Variants in CFAP100 observed in about 807,000 individuals in gnomAD.
CFAP100 encodes cilia and flagella associated protein 100.
A neutral mutation model predicts 81.5 loss-of-function variants in CFAP100; 70 were observed. The observed-to-expected ratio is 0.86, with a 90% CI of 0.71 to 1.05. The LOEUF is 1.05. Ranked by LOEUF, CFAP100 falls within the 50% of genes least tolerant of loss-of-function variation. The pLI, the probability that CFAP100 is intolerant of heterozygous loss-of-function variation, is 0.00. For synonymous variants in CFAP100, 341 were observed against 314.8 expected, an observed-to-expected ratio of 1.08 and a Z score of -0.88; for missense variants, 811 against 776.5, an observed-to-expected ratio of 1.04 and a Z score of -0.53.
intron 2 of CFAP100, among the ~76,000 whole-genome samples, chr3:126,406,499 G>A (rs1000876329): frequency 6.6e-6 from 1 of 152,210 alleles, no homozygotes; most frequent in African/African-American, 2.4e-5. Flanking sequence ...GGTGGGAGTG[G>A]AGGAAGTGTC....
At chr3:126,433,335 C>T in intron 14 of CFAP100, 131 bp downstream of exon 14, 1 of 1,111,304 alleles carries the variant, frequency 9.0e-7, no homozygotes, top group Non-Finnish European at 1.3e-6. Context: ...GCTGCCCTTG[C>T]CCTGCCTCCC....
At chr3:126,425,646 C>A (rs2083394159) in intron 13 of CFAP100, among the ~76,000 whole-genome samples, 2 of 152,184 alleles carry the variant, frequency 1.3e-5, no homozygotes, top group African/African-American at 4.8e-5. Flanking sequence ...ATATCCTCAA[C>A]ATAGATGCAA....
At chr3:126,414,340 C>T (rs1560069364) in intron 4 of CFAP100, 161 bp downstream of exon 4, 1 of 722,400 alleles carries the variant, frequency 1.4e-6, no homozygotes, top group South Asian at 1.4e-5. Flanking sequence ...AGCTGGAAAC[C>T]TTACCTGGCT....
chr3:126,394,990 C>T lies in CFAP100; in HGVS notation c.-60+12C>T, dbSNP rs2082863368. ...GGCAGTCGGGGTCGGTGGGTGCGCT[C>T]GCGGTCCGGGGAGAGGGGGCGCGCG... On this transcript the variant is annotated intron_variant, in intron 1 of 16. Coordinates refer to ENST00000352312, the MANE Select transcript of CFAP100 (RefSeq NM_182628.3). 1.3e-5 allele frequency: 2 copies of T among 152,444 alleles called. No individual in the cohort carries two copies. The highest frequency in any genetic ancestry group is 1.3e-4 in the Admixed American group (2 of 15,276). The allele number at this position is 152,444 out of a possible 1,614,324, so 9.4% of individuals were successfully genotyped here.
At chr3:126,432,220 A>T (rs1933258411) in intron 13 of CFAP100, among the ~76,000 whole-genome samples, 1 of 140,846 alleles carries the variant, frequency 7.1e-6, no homozygotes, top group Admixed American at 7.8e-5. Flanking sequence ...CGGAGCTTGC[A>T]GTGAGCCGAG....
intron 11 of CFAP100, chr3:126,420,845 A>G (rs369607805): frequency 1.3e-5 from 1 of 79,906 alleles, no homozygotes; most frequent in Non-Finnish European, 2.4e-5. Context: ...CATTTCATAC[A>G]TATCATTTTT....
rs1167341969 is a variant in CFAP100, at chr3:126,407,033, T to C, written c.50-139T>C. 5.3e-6 allele frequency: 3 copies of C among 562,656 alleles called. No individual in the cohort carries two copies. In the East Asian group the frequency reaches 8.4e-5, roughly 16 times the overall value. 34.9% of individuals were successfully genotyped at this position (562,656 alleles called of 1,614,324 possible). A position where few individuals can be genotyped will look rare whatever the true frequency, so the allele number is the denominator to read the frequency against. On this transcript the variant is annotated intron_variant, in intron 2 of 16. Transcript: ENST00000352312. ...CAAAGTCAGTGTGATCTCTGGGATGTAGAGCCCTCAGTCTCACAGGGGAGG... is the reference window on the plus strand; with the variant it reads ...CAAAGTCAGTGTGATCTCTGGGATGCAGAGCCCTCAGTCTCACAGGGGAGG...
At chr3:126,424,089 C>CT (rs1212477998) in intron 13 of CFAP100, among the ~76,000 whole-genome samples, 2 of 152,254 alleles carry the variant, frequency 1.3e-5, no homozygotes, top group African/African-American at 4.8e-5. Flanking sequence ...TCGTAGACCA[C>CT]TGAGCGGGTG....
At chr3:126,410,504 CTTTTT>C (rs934540064) in intron 3 of CFAP100, among the ~76,000 whole-genome samples, 1 of 149,424 alleles carries the variant, frequency 6.7e-6, no homozygotes, top group Non-Finnish European at 1.5e-5. Context: ...TTCTGCCTTT[CTTTTT>C]TTTTTCTTTT....
intron 2 of CFAP100, among the ~76,000 whole-genome samples, chr3:126,406,188 C>G (rs1043185479): frequency 7.9e-5 from 12 of 152,154 alleles, no homozygotes; most frequent in Admixed American, 2.0e-4. Context: ...TGTGTGGCCC[C>G]GAAGGCCTCT....
Position 126,436,427 on chromosome 3 carries a change from T to C in CFAP100, c.*23T>C. ...TAATCTTCGCAGACCATAGCTGTTC[T>C]GGCTGAAGGCTTAGCAAAGATGTTG... On this transcript the variant is annotated 3_prime_UTR_variant, in exon 17 of 17. Transcript: ENST00000352312. 2 of 1,581,414 alleles carry C rather than the reference T, an allele frequency of 1.3e-6. No individual in the cohort carries two copies. Among genetic ancestry groups the C allele is most frequent in the Non-Finnish European group, 1.7e-6 (2 of 1,153,730 alleles).
intron 16 of CFAP100, 50 bp from the exon 17 acceptor site, chr3:126,436,241 G>C (rs1198787369): frequency 3.5e-6 from 5 of 1,442,374 alleles, no homozygotes; most frequent in Middle Eastern, 2.1e-4. Context: ...GGGTATATGG[G>C]CATACGGCTC....
At chr3:126,400,365 CA>C (rs2107582954) in intron 2 of CFAP100, among the ~76,000 whole-genome samples, 1 of 152,162 alleles carries the variant, frequency 6.6e-6, no homozygotes, top group Non-Finnish European at 1.5e-5. Context: ...TCAAAAAATA[CA>C]AACAAAAATA....
At chr3:126,423,120 A>G (rs2083358253) in intron 11 of CFAP100, among the ~76,000 whole-genome samples, 1 of 152,176 alleles carries the variant, frequency 6.6e-6, no homozygotes, top group South Asian at 2.1e-4. Context: ...CCTTGGGAAA[A>G]TGAGTGGATT....
At chr3:126,419,045 C>CCAACCA in intron 7 of CFAP100, 31 bp from the exon 8 acceptor site, 5 of 858,118 alleles carry the variant, frequency 5.8e-6, no homozygotes, top group Non-Finnish European at 9.3e-6. Flanking sequence ...CCCTTGCCCC[C>CCAACCA]ATCCCTCCTC....
intron 11 of CFAP100, 47 bp downstream of exon 11, chr3:126,420,276 C>T: frequency 6.2e-7 from 1 of 1,604,614 alleles, no homozygotes; most frequent in Non-Finnish European, 8.5e-7. Flanking sequence ...TAGCGGCGAG[C>T]CCTCCCTTGT....
At chr3:126,412,604 C>T (rs1438964297) in intron 3 of CFAP100, among the ~76,000 whole-genome samples, 1 of 152,182 alleles carries the variant, frequency 6.6e-6, no homozygotes. Flanking sequence ...GAAGGTATTA[C>T]ATTGATCGGC....
At chr3:126,430,769 T>A (rs1436525508) in intron 13 of CFAP100, among the ~76,000 whole-genome samples, 1 of 152,076 alleles carries the variant, frequency 6.6e-6, no homozygotes, top group African/African-American at 2.4e-5. Context: ...TTTCTGGGTT[T>A]TTTTTTATGG....
chr3:126,406,470 G>A (rs1207483868), intron 2 of CFAP100, among the ~76,000 whole-genome samples: 1 of 152,186 alleles, frequency 6.6e-6, no homozygotes. Flanking sequence ...CAGGATCTCC[G>A]AGCTGCAAAG....
Sources: allele counts gnomAD v4.1 joint callset (sites outside exome capture counted in the v4.1 genomes callset), GRCh38; gene constraint gnomAD v4.1.1; transcripts MANE v1.5; gene names NCBI Gene and HGNC (gene_info 2026-07-23, HGNC 2026-07-21).